ATP9B: variants seen among roughly 807,000 people sequenced by gnomAD.
The protein encoded by ATP9B is ATPase phospholipid transporting 9B.
ATP9B carries 110 observed loss-of-function variants against 146.1 expected under a neutral mutation model. The ratio of observed to expected loss-of-function variants is 0.75; its 90% CI spans 0.65 to 0.88. The LOEUF is 0.88. ATP9B is among the 40% of genes least tolerant of loss of function. ATP9B has a pLI of 0.00. For synonymous variants in ATP9B, 604 were observed against 569.7 expected, an observed-to-expected ratio of 1.06 and a Z score of -0.86; for missense variants, 1,499 against 1,496.4, an observed-to-expected ratio of 1.00 and a Z score of -0.03.
chr18:79,308,577 A>G (rs1462176974), intron 15 of ATP9B, among the ~76,000 whole-genome samples: 1 of 152,242 alleles, frequency 6.6e-6, no homozygotes, highest in Non-Finnish European at 1.5e-5. Context: ...TTCCATTGCC[A>G]TGACATTTCC....
chr18:79,092,444 C>T (rs1467295271), intron 1 of ATP9B, among the ~76,000 whole-genome samples: 1 of 152,096 alleles, frequency 6.6e-6, no homozygotes, highest in African/African-American at 2.4e-5. Flanking sequence ...CACAAATTTA[C>T]AGTGTGTAAA....
At chr18:79,372,028 T>C (rs1046550332) in intron 26 of ATP9B, among the ~76,000 whole-genome samples, 1 of 152,242 alleles carries the variant, frequency 6.6e-6, no homozygotes, top group African/African-American at 2.4e-5. Context: ...AGGCCTCACA[T>C]AAAGACAGGG....
chr18:79,308,903 CCCA>C (rs2096635397), intron 15 of ATP9B, among the ~76,000 whole-genome samples: 1 of 107,560 alleles, frequency 9.3e-6, no homozygotes, highest in African/African-American at 4.3e-5. Context: ...AGGAGTGATC[CCCA>C]GCAGGTAGAA....
At chr18:79,257,004 T>C (rs2145191324) in intron 12 of ATP9B, among the ~76,000 whole-genome samples, 1 of 152,304 alleles carries the variant, frequency 6.6e-6, no homozygotes, top group Non-Finnish European at 1.5e-5. Context: ...TTCAATCCTA[T>C]TGCTTTTTAT....
intron 13 of ATP9B, among the ~76,000 whole-genome samples, chr18:79,296,096 G>C (rs929847786): frequency 6.6e-6 from 1 of 152,158 alleles, no homozygotes; most frequent in East Asian, 1.9e-4. Flanking sequence ...GCTCACTGCA[G>C]CCTCAAACTC....
At chr18:79,252,298 C>T (rs947895729) in intron 11 of ATP9B, among the ~76,000 whole-genome samples, 6 of 152,184 alleles carry the variant, frequency 3.9e-5, no homozygotes, top group Admixed American at 6.5e-5. Flanking sequence ...AAACCAAAGC[C>T]CAGCTTGCCC....
At chr18:79,346,205 A>T (rs925736455) in intron 23 of ATP9B, among the ~76,000 whole-genome samples, 6 of 145,002 alleles carry the variant, frequency 4.1e-5, no homozygotes, top group African/African-American at 1.3e-4. Context: ...AGCACACAGC[A>T]CACACTCGGT....
chr18:79,108,220 T>A (rs957135969), intron 2 of ATP9B, among the ~76,000 whole-genome samples: 2 of 152,020 alleles, frequency 1.3e-5, no homozygotes, highest in Non-Finnish European at 2.9e-5. Context: ...CATGTGAGAG[T>A]GTTCGAGATG....
chr18:79,206,453 C>T (rs1432431961), intron 9 of ATP9B, among the ~76,000 whole-genome samples: 1 of 151,940 alleles, frequency 6.6e-6, no homozygotes, highest in Non-Finnish European at 1.5e-5. Flanking sequence ...TATTTCTGTG[C>T]TAATATTTTC....
chr18:79,374,682 T>C (rs972498232), intron 28 of ATP9B, among the ~76,000 whole-genome samples: 2 of 152,274 alleles, frequency 1.3e-5, no homozygotes, highest in Non-Finnish European at 2.9e-5. Context: ...GTCCATGCAG[T>C]GGTGAACCTG....
intron 17 of ATP9B, among the ~76,000 whole-genome samples, chr18:79,332,291 T>A (rs948150169): frequency 4.6e-5 from 7 of 152,116 alleles, no homozygotes; most frequent in African/African-American, 7.2e-5. Context: ...TAGCCGGGTG[T>A]GGTGGCGGGC....
At chr18:79,157,558 T>G (rs1332506951) in intron 7 of ATP9B, among the ~76,000 whole-genome samples, 1 of 152,158 alleles carries the variant, frequency 6.6e-6, no homozygotes, top group South Asian at 2.1e-4. Context: ...TTGTGAAGAA[T>G]TATTATTAAT....
intron 25 of ATP9B, among the ~76,000 whole-genome samples, chr18:79,349,679 A>C (rs2147613699): frequency 6.6e-6 from 1 of 152,196 alleles, no homozygotes; most frequent in East Asian, 1.9e-4. Flanking sequence ...AGGTCCTCTT[A>C]AGTCACCTTT....
chr18:79,292,431 T>C (rs1190384442), intron 13 of ATP9B, among the ~76,000 whole-genome samples: 1 of 152,180 alleles, frequency 6.6e-6, no homozygotes, highest in African/African-American at 2.4e-5. Context: ...GAGATAGAAT[T>C]AAGAAAACAA....
chr18:79,335,856 TGAGGTC>T (rs2096821731), intron 17 of ATP9B, among the ~76,000 whole-genome samples: 1 of 152,182 alleles, frequency 6.6e-6, no homozygotes, highest in Non-Finnish European at 1.5e-5. Flanking sequence ...TACAGAAAAA[TGAGGTC>T]GTTTGCCCAA....
At chr18:79,316,525 G>T (rs1364320474) in intron 15 of ATP9B, among the ~76,000 whole-genome samples, 1 of 152,036 alleles carries the variant, frequency 6.6e-6, no homozygotes. Flanking sequence ...AGAAGCTGTG[G>T]CAAAGAGGGC....
intron 4 of ATP9B, chr18:79,117,936 C>T (rs1466864919): frequency 6.6e-6 from 1 of 152,172 alleles, no homozygotes; most frequent in East Asian, 1.9e-4. Context: ...TATGCTTTAA[C>T]ATTTTTTATA....
intron 29 of ATP9B, chr18:79,376,214 C>CACACACACACACACAAA: frequency 1.6e-5 from 14 of 884,952 alleles, no homozygotes; most frequent in South Asian, 5.5e-5. Context: ...CACACACACA[C>CACACACACACACACAAA]AAAACAAAAC....
chr18:79,249,448 A>G (rs1175588868), intron 11 of ATP9B, among the ~76,000 whole-genome samples: 1 of 152,244 alleles, frequency 6.6e-6, no homozygotes, highest in Non-Finnish European at 1.5e-5. Context: ...AATATAGGAG[A>G]TGACAATGAA....
Sources: allele counts gnomAD v4.1 joint callset (sites outside exome capture counted in the v4.1 genomes callset), GRCh38; gene constraint gnomAD v4.1.1; transcripts MANE v1.5; gene names NCBI Gene and HGNC (gene_info 2026-07-23, HGNC 2026-07-21).